Variants in CPAMD8 observed in about 807,000 individuals in gnomAD.
The protein encoded by CPAMD8 is C3 and PZP like alpha-2-macroglobulin domain containing 8.
In CPAMD8, 146 loss-of-function variants were observed where a neutral mutation model predicts 224.7. The ratio of observed to expected loss-of-function variants is 0.65; its 90% CI spans 0.57 to 0.75. CPAMD8 has a LOEUF of 0.75. Among genes scored for constraint, CPAMD8 ranks in the 30% least tolerant of loss-of-function variants. The pLI is 0.00. For missense variants in CPAMD8, 2,301 were observed against 2,537.5 expected, an observed-to-expected ratio of 0.91 and a Z score of 2.00; for synonymous variants, 966 against 1,044.6, an observed-to-expected ratio of 0.92 and a Z score of 1.45.
In CPAMD8 at chr19:16,989,729, A is replaced by T. The variant is rs1335844178; in HGVS notation, c.1309T>A (p.Tyr437Asn). 1.2e-6 allele frequency: 2 copies of T among 1,613,990 alleles called. No individual in the cohort carries two copies. Among genetic ancestry groups the T allele is most frequent in the Non-Finnish European group, 1.7e-6 (2 of 1,179,930 alleles). The change falls in exon 13 of 42, where the codon TAC becomes AAC. Residue 437 changes from tyrosine to asparagine, a missense_variant. This residue lies in a region of CPAMD8 where 301 missense variants were observed against 406.6 expected (regional missense o/e 0.74). Coordinates refer to ENST00000443236, the MANE Select transcript of CPAMD8 (RefSeq NM_015692.5). ...ALNGKPVGAQ[Y>N]LPSYLSLGSW... ...CCGAGGGAGAGGTAGCTGGGCAGGT[A>T]CTGAGCCCCCACAGGCTTCCCGTTC...
At position 16,977,451 on chromosome 19, in the gene CPAMD8, G is replaced by A; in HGVS notation, c.1675C>T (p.Leu559=). ...VTPSMVPLGR[L]LVFYVRENGE... ...TTCTCCCTGACGTAGAAGACCAGCA[G>A]GCGACCAAGGGGGACCATGCTGGGG... The change falls in exon 15 of 42, where the codon CTG becomes TTG. Residue 559 remains leucine, a synonymous_variant. Coordinates refer to ENST00000443236, the MANE Select transcript of CPAMD8 (RefSeq NM_015692.5). The A allele has an allele frequency of 6.2e-7, 1 of 1,611,282 alleles. No homozygotes were observed.
chr19:16,995,912 G>A (rs1267139648), intron 11 of CPAMD8, among the ~76,000 whole-genome samples: 2 of 152,182 alleles, frequency 1.3e-5, no homozygotes, highest in African/African-American at 4.8e-5. Context: ...CACTCTGGGA[G>A]GCTGAGGCAG....
rs749646175 is a variant in CPAMD8 at position 17,022,073 on chromosome 19, C to T, written c.201G>A (p.Val67=). 3 of 1,606,328 alleles carry T rather than the reference C, an allele frequency of 1.9e-6. No individual in the cohort carries two copies. Among genetic ancestry groups the T allele is most frequent in the Non-Finnish European group, 2.5e-6 (3 of 1,176,728 alleles). The change falls in exon 2 of 42, where the codon GTG becomes GTA. Residue 67 remains valine (V), a synonymous_variant. Coordinates refer to ENST00000443236, the MANE Select transcript of CPAMD8 (RefSeq NM_015692.5). ...TCTGCACCACCGGCTCACCCTGGGC[C>T]ACCAGCTGAGCCTGGACCGTGACTT... The part of the protein sequence containing the change: ...PREVTVQAQL[V]AQGEPVVQSQ...
chr19:17,004,257 A>T lies in CPAMD8; in HGVS notation c.673+16T>A. Reference sequence around the variant, plus strand: ...CCAGATCTGAAATCCCAAGACCCTGAGATTCTCCAACTTACCATACTTCTG... The same window carrying T: ...CCAGATCTGAAATCCCAAGACCCTGTGATTCTCCAACTTACCATACTTCTG... On this transcript the variant is annotated intron_variant, in intron 8 of 41. Coordinates refer to ENST00000443236, the MANE Select transcript of CPAMD8 (RefSeq NM_015692.5). 1.9e-6 allele frequency: 3 copies of T among 1,539,708 alleles called. No individual in the cohort carries two copies. The highest frequency in any genetic ancestry group is 2.7e-6 in the Non-Finnish European group (3 of 1,113,234).
Position 16,904,465 on chromosome 19 carries a change from C to A in CPAMD8, c.4114+1G>T. 1 of 1,613,978 alleles carries A rather than the reference C, an allele frequency of 6.2e-7. No individual in the cohort carries two copies. The highest frequency in any genetic ancestry group is 8.5e-7 in the Non-Finnish European group (1 of 1,179,838). ...CACCCGGGAGCTGGGGTGGCCAGTA[C>A]CTGACTGAGAGACCCTGTCACTGAA... is the stretch of plus-strand genomic sequence containing the variant. On this transcript the variant is annotated splice_donor_variant, in intron 31 of 41. Coordinates refer to ENST00000443236, the MANE Select transcript of CPAMD8 (RefSeq NM_015692.5). LOFTEE classifies it high-confidence loss of function.
chr19:17,022,745 C>T (rs908018661), intron 1 of CPAMD8, among the ~76,000 whole-genome samples: 2 of 152,156 alleles, frequency 1.3e-5, no homozygotes, highest in African/African-American at 2.4e-5. Context: ...ATGATCCACC[C>T]TCCTCAGCCT....
At chr19:16,917,783 T>C (rs750130126) in intron 27 of CPAMD8, among the ~76,000 whole-genome samples, 4 of 152,178 alleles carry the variant, frequency 2.6e-5, no homozygotes, top group Non-Finnish European at 4.4e-5. Flanking sequence ...TAAAGTCTAA[T>C]GACTATCTGT....
chr19:16,921,899 A>T lies in CPAMD8; in HGVS notation c.3629+6T>A. ...AGAGGCAATGCCCAGGGCGGTGGGG[A>T]CTCACCACATGCTCCCCGATGCGTC... On this transcript the variant is annotated splice_donor_region_variant and intron_variant, in intron 27 of 41. Coordinates refer to ENST00000443236, the MANE Select transcript of CPAMD8 (RefSeq NM_015692.5). 2.0e-6 allele frequency: 3 copies of T among 1,537,768 alleles called. No homozygotes were observed. Among genetic ancestry groups the T allele is most frequent in the Non-Finnish European group, 2.6e-6 (3 of 1,142,170 alleles).
At chr19:16,936,059 C>A (rs2053673917) in intron 23 of CPAMD8, among the ~76,000 whole-genome samples, 1 of 152,008 alleles carries the variant, frequency 6.6e-6, no homozygotes, top group South Asian at 2.1e-4. Flanking sequence ...TCCCAAGTAG[C>A]TAGGACTACA....
chr19:16,927,514 A>AC lies in CPAMD8; in HGVS notation c.3370+494_3370+495insG, dbSNP rs2053406145. Among the ~76,000 whole-genome samples, 4 of 152,014 alleles carry AC rather than the reference A, an allele frequency of 2.6e-5. No individual in the cohort carries two copies. The South Asian group carries it at 8.3e-4, about 32-fold the overall frequency. ...CACATCCCAACCCTACAGACCCCCT[A>AC]AGGCTGCTTCCAATGTCCCTAGTCA... On this transcript the variant is annotated intron_variant, in intron 25 of 41. Coordinates refer to ENST00000443236, the MANE Select transcript of CPAMD8 (RefSeq NM_015692.5).
chr19:16,993,296 T>C, intron 12 of CPAMD8, 120 bp downstream of exon 12: 1 of 740,670 alleles, frequency 1.4e-6, no homozygotes, highest in African/African-American at 1.8e-5. Flanking sequence ...GTGGAATGTG[T>C]ACTCCTGCAG....
intron 19 of CPAMD8, among the ~76,000 whole-genome samples, chr19:16,954,345 A>C (rs1390084374): frequency 6.6e-6 from 1 of 151,852 alleles, no homozygotes; most frequent in East Asian, 1.9e-4. Flanking sequence ...AAAAAAAAAA[A>C]AAGAAAAGAA....
intron 23 of CPAMD8, among the ~76,000 whole-genome samples, chr19:16,935,527 C>T (rs1179483369): frequency 6.6e-6 from 1 of 152,150 alleles, no homozygotes; most frequent in Non-Finnish European, 1.5e-5. Context: ...GGATTTTCTT[C>T]CCACTCAATT....
At chr19:16,910,011 C>T (rs1235884790) in intron 29 of CPAMD8, among the ~76,000 whole-genome samples, 1 of 150,150 alleles carries the variant, frequency 6.7e-6, no homozygotes, top group African/African-American at 2.5e-5. Flanking sequence ...GCCATGGTGC[C>T]TGGCTGATTT....
intron 13 of CPAMD8, among the ~76,000 whole-genome samples, chr19:16,988,679 C>A (rs1026231286): frequency 6.6e-6 from 1 of 152,038 alleles, no homozygotes; most frequent in African/African-American, 2.4e-5. Flanking sequence ...CTGCAGAATT[C>A]TCCCCTTGCT....
intron 23 of CPAMD8, among the ~76,000 whole-genome samples, chr19:16,933,178 T>C (rs534864040): frequency 1.1e-4 from 17 of 152,256 alleles, no homozygotes; most frequent in Admixed American, 6.5e-4. Flanking sequence ...ATATCTTGCA[T>C]GGTAATCCAA....
intron 30 of CPAMD8, among the ~76,000 whole-genome samples, chr19:16,906,140 G>C (rs1325884907): frequency 2.6e-5 from 4 of 152,116 alleles, no homozygotes; most frequent in Non-Finnish European, 4.4e-5. Context: ...GATGCTTGGG[G>C]CTGGTGTGAC....
chr19:16,989,507 G>A (rs1032385118), intron 13 of CPAMD8, 136 bp downstream of exon 13: 21 of 1,106,174 alleles, frequency 1.9e-5, no homozygotes, highest in Middle Eastern at 3.1e-4. Flanking sequence ...GGCTGGTCTC[G>A]AAATCCTAAC....
chr19:16,919,724 C>T (rs2053097251), intron 27 of CPAMD8, among the ~76,000 whole-genome samples: 1 of 152,206 alleles, frequency 6.6e-6, no homozygotes, highest in Non-Finnish European at 1.5e-5. Context: ...ACCATGTGTT[C>T]CTTTTTCCCC....
Sources: gnomAD v4.1 joint callset for allele counts (sites outside exome capture counted in the v4.1 genomes callset) on GRCh38, gnomAD v4.1.1 for gene constraint, gnomAD v4.1.1 regional missense constraint, MANE v1.5 for transcripts, NCBI Gene and HGNC (gene_info 2026-07-23, HGNC 2026-07-21) for gene names.